RYR2: variants seen among roughly 807,000 people sequenced by gnomAD.
RYR2 encodes ryanodine receptor 2, also known as cardiac muscle ryanodine receptor-calcium release channel.
A neutral mutation model predicts 601.1 loss-of-function variants in RYR2; 227 were observed. The observed-to-expected ratio is 0.38, with a 90% CI of 0.34 to 0.42. RYR2 has a LOEUF of 0.42. Among genes scored for constraint, RYR2 ranks in the 10% least tolerant of loss-of-function variants. RYR2 has a pLI of 1.00. For synonymous variants in RYR2, 2,223 were observed against 2,175.1 expected (o/e 1.02, Z -0.61); for missense variants, 4,646 against 6,156.5 (o/e 0.75, Z 8.21).
At chr1:237,697,360 ATATT>A (rs1049231444) in intron 63 of RYR2, among the ~76,000 whole-genome samples, 2 of 142,280 alleles carry the variant, frequency 1.4e-5, no homozygotes, top group African/African-American at 2.6e-5. Flanking sequence ...TATATAATAT[ATATT>A]TATATAATAT....
At chr1:237,701,108 A>G (rs1200281406) in intron 65 of RYR2, among the ~76,000 whole-genome samples, 1 of 152,250 alleles carries the variant, frequency 6.6e-6, no homozygotes, top group Non-Finnish European at 1.5e-5. Flanking sequence ...GTTGAGCAGA[A>G]TCACCAACTC....
intron 25 of RYR2, 44 bp from the exon 26 acceptor site, chr1:237,548,387 G>C (rs982539683): frequency 1.9e-6 from 3 of 1,596,542 alleles, no homozygotes; most frequent in African/African-American, 2.7e-5. Context: ...AGATTTTTAT[G>C]AAAAGGCCAA....
intron 1 of RYR2, among the ~76,000 whole-genome samples, chr1:237,227,569 G>C (rs1284599013): frequency 1.3e-5 from 2 of 152,192 alleles, no homozygotes; most frequent in Non-Finnish European, 2.9e-5. Flanking sequence ...TGTCTGGGTG[G>C]AGTTTGCATG....
intron 84 of RYR2, among the ~76,000 whole-genome samples, chr1:237,762,427 C>T (rs764196252): frequency 6.6e-5 from 10 of 152,214 alleles, no homozygotes; most frequent in Non-Finnish European, 1.2e-4. Flanking sequence ...AATGAAGTCT[C>T]TGTCCAAAGC....
chr1:237,792,417 GTGTGTGTTT>G, intron 94 of RYR2, 94 bp downstream of exon 94: 1 of 789,548 alleles, frequency 1.3e-6, no homozygotes. Flanking sequence ...GTGTGTGTGT[GTGTGTGTTT>G]TGCAGGCTGG....
chr1:237,263,649 T>C lies in RYR2; in HGVS notation c.49-6848T>C, dbSNP rs373707471. Among the ~76,000 whole-genome samples, 37 of 152,288 alleles carry C rather than the reference T, an allele frequency of 2.4e-4. No individual in the cohort carries two copies. The South Asian group carries it at 7.7e-3, about 32-fold the overall frequency. ...TGTATGGGAGGAATGGAGTATCTTT[T>C]GTTTGATTCTTATTTGTTGTAATGG... On this transcript the variant is annotated intron_variant, in intron 1 of 104. Transcript: ENST00000366574.
chr1:237,048,146 A>G (rs955601528), intron 1 of RYR2, among the ~76,000 whole-genome samples: 5 of 152,108 alleles, frequency 3.3e-5, no homozygotes, highest in African/African-American at 9.7e-5. Flanking sequence ...GATCAGTGGC[A>G]CTGCCGTTTG....
At chr1:237,613,692 G>A (rs1417080639) in intron 36 of RYR2, among the ~76,000 whole-genome samples, 2 of 152,258 alleles carry the variant, frequency 1.3e-5, no homozygotes, top group Middle Eastern at 3.4e-3. Context: ...GAAGACACAG[G>A]TTGGGTGTCC....
At chr1:237,507,730 C>T (rs1245651953) in intron 23 of RYR2, among the ~76,000 whole-genome samples, 3 of 152,180 alleles carry the variant, frequency 2.0e-5, no homozygotes, top group Admixed American at 6.5e-5. Context: ...GATGACCTAG[C>T]GGAGAGTTCT....
At chr1:237,098,819 T>A (rs1213671413) in intron 1 of RYR2, among the ~76,000 whole-genome samples, 1 of 152,220 alleles carries the variant, frequency 6.6e-6, no homozygotes, top group African/African-American at 2.4e-5. Context: ...GTTTCAGTTG[T>A]GCAGGATGAA....
intron 1 of RYR2, among the ~76,000 whole-genome samples, chr1:237,211,922 A>G (rs1480320555): frequency 6.6e-6 from 1 of 152,230 alleles, no homozygotes; most frequent in African/African-American, 2.4e-5. Flanking sequence ...AAAAATAATT[A>G]TTGAAACAAA....
chr1:237,065,507 G>A (rs1277427601), intron 1 of RYR2, among the ~76,000 whole-genome samples: 1 of 151,612 alleles, frequency 6.6e-6, no homozygotes, highest in East Asian at 1.9e-4. Flanking sequence ...GGCTGGTCTC[G>A]AACTCCTGAC....
intron 10 of RYR2, among the ~76,000 whole-genome samples, chr1:237,391,822 T>G (rs1488761579): frequency 6.6e-6 from 1 of 152,174 alleles, no homozygotes; most frequent in Non-Finnish European, 1.5e-5. Flanking sequence ...ATAGAGCTAT[T>G]CAGTTAAGAA....
chr1:237,404,348 T>C (rs772831329), intron 10 of RYR2, among the ~76,000 whole-genome samples: 36 of 152,204 alleles, frequency 2.4e-4, no homozygotes, highest in Non-Finnish European at 4.9e-4. Context: ...GGTTCTTGCA[T>C]GGTCTGGAAA....
At chr1:237,827,892 G>C (rs1020543358) in intron 101 of RYR2, among the ~76,000 whole-genome samples, 1 of 120,484 alleles carries the variant, frequency 8.3e-6, no homozygotes, top group Non-Finnish European at 1.6e-5. Flanking sequence ...AGCCGAGATT[G>C]TGCCACTGCA....
At chr1:237,496,134 GTGGCTCATGCCTGTTATTCCAGCACT>G (rs1376774254) in intron 19 of RYR2, among the ~76,000 whole-genome samples, 3 of 152,200 alleles carry the variant, frequency 2.0e-5, no homozygotes, top group African/African-American at 7.2e-5. Context: ...GCTGGGCACG[GTGGCTCATGCCTGTTATTCCAGCACT>G]TGGGAGGTCG....
intron 20 of RYR2, among the ~76,000 whole-genome samples, chr1:237,500,381 T>A (rs1219241876): frequency 1.3e-5 from 2 of 152,162 alleles, no homozygotes; most frequent in African/African-American, 4.8e-5. Context: ...AGGTAGCTAT[T>A]TGAAGTCCCT....
At chr1:237,264,706 T>A (rs1464500219) in intron 1 of RYR2, among the ~76,000 whole-genome samples, 181 of 151,730 alleles carry the variant, frequency 1.2e-3, no homozygotes, top group Middle Eastern at 3.4e-3. Context: ...ATTATTTTTT[T>A]TTTTTTGAGA....
intron 1 of RYR2, among the ~76,000 whole-genome samples, chr1:237,210,108 C>T (rs962817756): frequency 2.2e-5 from 3 of 136,370 alleles, no homozygotes; most frequent in African/African-American, 5.1e-5. Context: ...TGTGTATCTG[C>T]ATATATTGTT....
Sources: gnomAD v4.1 joint callset for allele counts (sites outside exome capture counted in the v4.1 genomes callset) on GRCh38, gnomAD v4.1.1 for gene constraint, MANE v1.5 for transcripts, NCBI Gene and HGNC (gene_info 2026-07-23, HGNC 2026-07-21) for gene names.